SFR1: variants seen among roughly 807,000 people sequenced by gnomAD.
The protein encoded by SFR1 is SWI5 dependent homologous recombination repair protein 1, also known as swi5-dependent recombination DNA repair protein 1 homolog.
A neutral mutation model predicts 26.2 loss-of-function variants in SFR1; 24 were observed. That is an observed-to-expected ratio of 0.92 (90% CI 0.66 to 1.29). SFR1 has a LOEUF of 1.29. Among genes scored for constraint, SFR1 ranks in the 50% most tolerant of loss-of-function variants. The probability of loss-of-function intolerance (pLI) is 0.00; values close to 1 mark genes in which losing one functional copy is unlikely to be tolerated. For synonymous variants in SFR1, 77 were observed against 96.6 expected (o/e 0.80, Z 1.19); for missense variants, 276 against 270.2 (o/e 1.02, Z -0.15).
upstream of SFR1, among the ~76,000 whole-genome samples, chr10:104,120,526 T>TG (rs1196630696): frequency 6.6e-6 from 1 of 152,162 alleles, no homozygotes; most frequent in South Asian, 2.1e-4. Flanking sequence ...TGTGCTTTTT[T>TG]GGGGGGTGGG....
chr10:104,121,462 C>CCCCAACGCTGGAA (rs1208516534), upstream of SFR1, among the ~76,000 whole-genome samples: 2 of 152,138 alleles, frequency 1.3e-5, no homozygotes, highest in Admixed American at 6.5e-5. Flanking sequence ...GAAATGTGGA[C>CCCCAACGCTGGAA]CCCAACGCTG....
chr10:104,122,091 T>G, upstream of SFR1: 3 of 1,433,854 alleles, frequency 2.1e-6, no homozygotes, highest in South Asian at 1.2e-5. Flanking sequence ...ATCTGGCCAA[T>G]TGCGCATCTT....
At chr10:104,120,783 T>C (rs924643405), upstream of SFR1, among the ~76,000 whole-genome samples, 2 of 152,200 alleles carry the variant, frequency 1.3e-5, no homozygotes, top group African/African-American at 2.4e-5. Context: ...CTAGACAATT[T>C]GACTGTAACG....
At position 104,123,974 on chromosome 10, in the gene SFR1, T is replaced by C. The variant is rs145344030; in HGVS notation, c.396T>C (p.Ser132=). 1.6e-5 allele frequency: 26 copies of C among 1,613,916 alleles called. No homozygotes were observed. The highest frequency in any genetic ancestry group is 2.2e-5 in the Non-Finnish European group (26 of 1,179,960). ...TCTGTGAATCTCAGTCACTTGATTC[T>C]GGATCATGCAGTGCTCTCCAAAATG... ...LNVCESQSLD[S]GSCSALQNEF... is the part of the protein sequence containing the mutation. The change falls in exon 3 of 4, where the codon TCT becomes TCC. Residue 132 remains serine (S), a synonymous_variant. Transcript: ENST00000369727.
intron 2 of SFR1, chr10:104,123,443 G>C: frequency 2.6e-6 from 1 of 386,938 alleles, no homozygotes. Context: ...TATCAGGCAT[G>C]TGCTTGTTAC....
chr10:104,121,726 A>C (rs1338848067), upstream of SFR1, among the ~76,000 whole-genome samples: 2 of 152,208 alleles, frequency 1.3e-5, no homozygotes, highest in African/African-American at 4.8e-5. Context: ...AGGCACTTTC[A>C]GGCGCACTTC....
chr10:104,123,695 T>C lies in SFR1; in HGVS notation c.136-19T>C. On this transcript the variant is annotated intron_variant, in intron 2 of 3. Coordinates refer to ENST00000369727, the MANE Select transcript of SFR1 (RefSeq NM_001002759.2). ...TGTTTTTCTTGATTCACATTTTTAA[T>C]GTTTTGTGCTCTTTATAGCCTATGA... 1 of 1,517,718 alleles carries C rather than the reference T, an allele frequency of 6.6e-7. No individual in the cohort carries two copies. The highest frequency in any genetic ancestry group is 8.8e-7 in the Non-Finnish European group (1 of 1,134,230). The allele number at this position is 1,517,718 out of a possible 1,614,324, so 94.0% of individuals were successfully genotyped here.
upstream of SFR1, chr10:104,122,050 C>G: frequency 8.9e-7 from 1 of 1,123,442 alleles, no homozygotes; most frequent in Non-Finnish European, 1.3e-6. Flanking sequence ...CTCTGAGTCG[C>G]TGAGTGAAGC....
In SFR1 at chr10:104,123,060, C is replaced by G; in HGVS notation, c.109C>G (p.Pro37Ala). The part of the protein sequence containing the change: ...TPQASANPSS[P>A]YTNSSRKQPM... ...TCAGGCCTCTGCGAATCCATCATCT[C>G]CCTATACAAATAGTTCCCGAAAACA... is the stretch of plus-strand genomic sequence containing the variant. Residue 37 changes from proline to alanine, a missense_variant, in exon 2 of 4, where the codon CCC becomes GCC. Coordinates refer to ENST00000369727, the MANE Select transcript of SFR1 (RefSeq NM_001002759.2). The G allele has an allele frequency of 6.3e-7, 1 of 1,587,884 alleles. No individual in the cohort carries two copies. The highest frequency in any genetic ancestry group is 8.5e-7 in the Non-Finnish European group (1 of 1,170,244).
chr10:104,120,976 G>A (rs748695190), upstream of SFR1, among the ~76,000 whole-genome samples: 5 of 152,092 alleles, frequency 3.3e-5, no homozygotes, highest in Non-Finnish European at 7.4e-5. Flanking sequence ...GAAAACACTG[G>A]CCCCTGGAAA....
In SFR1 at chr10:104,123,865, T is replaced by C; in HGVS notation, c.287T>C (p.Leu96Ser). Residue 96 changes from leucine to serine, a missense_variant, in exon 3 of 4, where the codon TTG becomes TCG. Leu to Ser is a moderately radical substitution (Grantham distance 145). Coordinates refer to ENST00000369727, the MANE Select transcript of SFR1 (RefSeq NM_001002759.2). Reference protein sequence around the residue: ...KPASSTEENCLEFQESFKHID... With the variant: ...KPASSTEENCSEFQESFKHID... The stretch of plus-strand genomic sequence containing the variant: ...GCATCTTCCACAGAGGAAAACTGTT[T>C]GGAATTTCAAGAAAGTTTTAAACAT... The C allele has an allele frequency of 3.7e-6, 6 of 1,613,160 alleles. No homozygotes were observed. Among genetic ancestry groups the C allele is most frequent in the Non-Finnish European group, 5.1e-6 (6 of 1,179,894 alleles).
chr10:104,122,478 G>A (rs1213745392), intron 1 of SFR1: 2 of 985,292 alleles, frequency 2.0e-6, no homozygotes, highest in African/African-American at 3.5e-5. Context: ...GCTACAGACG[G>A]GCTTAAATGC....
chr10:104,120,215 T>C (rs376342199), upstream of SFR1, among the ~76,000 whole-genome samples: 15 of 152,334 alleles, frequency 9.8e-5, 1 homozygote, highest in East Asian at 9.6e-4. Context: ...ACTGTGCTTC[T>C]AGTGTCAGGA....
chr10:104,125,914 C>T lies in SFR1; in HGVS notation c.*210C>T, dbSNP rs529392732. ...CCGAGTAGCTGAGATTACAGGCGCC[C>T]GCCACCATGCCCGGCTAATTTTTGC... is the stretch of plus-strand genomic sequence containing the variant. On this transcript the variant is annotated 3_prime_UTR_variant, in exon 4 of 4. Coordinates refer to ENST00000369727, the MANE Select transcript of SFR1 (RefSeq NM_001002759.2). The T allele has an allele frequency of 3.2e-5, 11 of 344,248 alleles. No homozygotes were observed. The South Asian group carries it at 4.0e-4, about 12-fold the overall frequency. 21.3% of individuals were successfully genotyped at this position (344,248 alleles called of 1,614,324 possible).
Position 104,125,767 on chromosome 10 carries a change from C to CTTTT in SFR1, c.*75_*78dup. ...AACTTAATTAAAAGATACTTAGGCA[C>CTTTT]TTTTTTTTTTTTTTTGAGACTGAGT... On this transcript the variant is annotated 3_prime_UTR_variant, in exon 4 of 4. Coordinates refer to ENST00000369727, the MANE Select transcript of SFR1 (RefSeq NM_001002759.2). The CTTTT allele has an allele frequency of 1.9e-5, 16 of 857,766 alleles. No homozygotes were observed. The highest frequency in any genetic ancestry group is 3.0e-5 in the Admixed American group (1 of 33,046). 53.1% of individuals were successfully genotyped at this position (857,766 alleles called of 1,614,324 possible).
intron 1 of SFR1, 101 bp downstream of exon 1, chr10:104,122,297 A>G (rs7901021): frequency 2.8e-6 from 4 of 1,429,746 alleles, no homozygotes; most frequent in Non-Finnish European, 3.7e-6. Context: ...GGGGAACTCA[A>G]CCTCACCTTA....
At chr10:104,125,241 C>G (rs553807250) in intron 3 of SFR1, among the ~76,000 whole-genome samples, 1 of 152,230 alleles carries the variant, frequency 6.6e-6, no homozygotes, top group African/African-American at 2.4e-5. Context: ...ATTATTGCTT[C>G]TTGACATAGT....
At chr10:104,120,857 T>G (rs1339511239), upstream of SFR1, among the ~76,000 whole-genome samples, 1 of 152,196 alleles carries the variant, frequency 6.6e-6, no homozygotes, top group African/African-American at 2.4e-5. Context: ...CCTGACTGCT[T>G]AAGACTCAGG....
Position 104,125,697 on chromosome 10 carries a change from A to G in SFR1, c.731A>G (p.Asp244Gly), listed in dbSNP as rs372673992. Residue 244 changes from aspartate to glycine, a missense_variant, in exon 4 of 4, where the codon GAT (aspartate) becomes GGT (glycine). Transcript: ENST00000369727. ...HYNRSEEEFI[D>G]V ...AACAGAAGTGAAGAAGAATTTATAGATGTTTAATTCCTGATTTTTGCTCCA... is the reference window on the plus strand; with the variant it reads ...AACAGAAGTGAAGAAGAATTTATAGGTGTTTAATTCCTGATTTTTGCTCCA... 443 of 1,577,036 alleles carry G rather than the reference A, an allele frequency of 2.8e-4. 1 individual carries two copies. The highest frequency in any genetic ancestry group is 3.7e-4 in the Non-Finnish European group (427 of 1,156,470).
Sources: gnomAD v4.1 joint callset for allele counts (sites outside exome capture counted in the v4.1 genomes callset) on GRCh38, gnomAD v4.1.1 for gene constraint, MANE v1.5 for transcripts, NCBI Gene and HGNC (gene_info 2026-07-23, HGNC 2026-07-21) for gene names.